ANKFN1: variants seen among roughly 807,000 people sequenced by gnomAD.
ANKFN1 encodes ankyrin repeat and fibronectin type-III domain-containing protein 1.
ANKFN1 carries 74 observed loss-of-function variants against 108.7 expected under a neutral mutation model. The observed-to-expected ratio is 0.68, with a 90% CI of 0.56 to 0.83. The LOEUF (loss-of-function observed/expected upper bound fraction) is 0.83, where lower values mean the gene tolerates loss of function less well. ANKFN1 is among the 40% of genes least tolerant of loss of function. The probability of loss-of-function intolerance (pLI) is 0.00; values close to 1 mark genes in which losing one functional copy is unlikely to be tolerated. For synonymous variants in ANKFN1, 547 were observed against 516.2 expected (o/e 1.06, Z -0.81); for missense variants, 1,505 against 1,382.3 (o/e 1.09, Z -1.41).
chr17:56,447,165 G>A (rs1427295233), intron 10 of ANKFN1, among the ~76,000 whole-genome samples: 1 of 152,222 alleles, frequency 6.6e-6, no homozygotes, highest in African/African-American at 2.4e-5. Flanking sequence ...AAAGGTTGCA[G>A]TGAGCCAAGA....
intron 2 of ANKFN1, among the ~76,000 whole-genome samples, chr17:56,219,734 T>C (rs1915705619): frequency 6.6e-6 from 1 of 152,076 alleles, no homozygotes. Flanking sequence ...GTTTTGGGAG[T>C]CAGTTTTGAA....
chr17:56,150,998 G>A (rs1908569094), upstream of ANKFN1, among the ~76,000 whole-genome samples: 1 of 152,148 alleles, frequency 6.6e-6, no homozygotes, highest in East Asian at 1.9e-4. Flanking sequence ...GCTCACTCTG[G>A]GGACAGAGTG....
At chr17:56,079,534 A>C (rs1260349241) in intron 4 of ANKFN1, among the ~76,000 whole-genome samples, 2 of 152,200 alleles carry the variant, frequency 1.3e-5, no homozygotes, top group Non-Finnish European at 2.9e-5. Context: ...AAAAGAAGAA[A>C]TAGAGTCAGA....
chr17:56,427,734 C>T (rs2048615374), intron 8 of ANKFN1, among the ~76,000 whole-genome samples: 2 of 152,080 alleles, frequency 1.3e-5, no homozygotes, highest in South Asian at 2.1e-4. Context: ...CCAAAGAGAC[C>T]TCAAAATGGC....
At chr17:56,388,093 C>G (rs1442456778) in intron 8 of ANKFN1, among the ~76,000 whole-genome samples, 1 of 151,918 alleles carries the variant, frequency 6.6e-6, no homozygotes, top group Non-Finnish European at 1.5e-5. Context: ...AGTTACCTCT[C>G]TAATTAATAA....
intron 4 of ANKFN1, among the ~76,000 whole-genome samples, chr17:56,111,882 C>T (rs1337601382): frequency 6.6e-6 from 1 of 152,208 alleles, no homozygotes; most frequent in Non-Finnish European, 1.5e-5. Flanking sequence ...AGCAGAATGG[C>T]TGCTGTTCCA....
intron 4 of ANKFN1, among the ~76,000 whole-genome samples, chr17:56,091,777 G>A (rs1049776146): frequency 2.0e-5 from 3 of 151,378 alleles, no homozygotes; most frequent in Non-Finnish European, 4.4e-5. Flanking sequence ...CAAGAAAACC[G>A]CTTTATTTGA....
In ANKFN1 at chr17:56,514,108, CTT is replaced by C. The variant is rs1567722382; in HGVS notation, c.*2845_*2846del. Among the ~76,000 whole-genome samples the C allele has an allele frequency of 6.6e-6, 1 of 152,088 alleles. No individual in the cohort carries two copies. ...ATACAATGGATTTTTGTCTTTCACT[CTT>C]TTTTTAATCCAATATGAGAGCCTCT... On this transcript the variant is annotated 3_prime_UTR_variant, in exon 21 of 21. Transcript: ENST00000682825.
intron 8 of ANKFN1, among the ~76,000 whole-genome samples, chr17:56,386,736 GT>G (rs1240097725): frequency 6.6e-6 from 1 of 151,536 alleles, no homozygotes; most frequent in African/African-American, 2.4e-5. Flanking sequence ...GTTTCTATCT[GT>G]CTCTCTTATC....
At chr17:56,281,871 A>C (rs568555956) in intron 3 of ANKFN1, among the ~76,000 whole-genome samples, 6 of 152,364 alleles carry the variant, frequency 3.9e-5, no homozygotes, top group Admixed American at 2.6e-4. Flanking sequence ...TAGAATTCAC[A>C]TAGATTGTTC....
chr17:56,353,784 A>G, intron 5 of ANKFN1, 52 bp from the exon 6 acceptor site: 2 of 1,550,146 alleles, frequency 1.3e-6, no homozygotes, highest in Non-Finnish European at 1.8e-6. Context: ...GCTAAGCTAC[A>G]AAGACACACT....
chr17:56,267,938 G>A (rs768354746), intron 3 of ANKFN1, among the ~76,000 whole-genome samples: 1 of 151,942 alleles, frequency 6.6e-6, no homozygotes, highest in East Asian at 1.9e-4. Flanking sequence ...AAAAATATTG[G>A]CATTTTGATA....
At chr17:56,502,052 GGTA>G (rs921889177) in intron 20 of ANKFN1, among the ~76,000 whole-genome samples, 20 of 152,144 alleles carry the variant, frequency 1.3e-4, no homozygotes, top group Admixed American at 4.6e-4. Flanking sequence ...AAGGAGGGAA[GGTA>G]GTAGCTAGAG....
chr17:56,138,689 T>C (rs901691100), intron 4 of ANKFN1, among the ~76,000 whole-genome samples: 4 of 151,918 alleles, frequency 2.6e-5, no homozygotes, highest in Non-Finnish European at 5.9e-5. Flanking sequence ...TTTTACATTT[T>C]TGTTAGAGAC....
At position 56,405,674 on chromosome 17, in the gene ANKFN1, A is replaced by G. The variant is rs144437286; in HGVS notation, c.910+30960A>G. Among the ~76,000 whole-genome samples the G allele has an allele frequency of 7.8e-3, 1,182 of 152,342 alleles. 9 individuals carry two copies. Among genetic ancestry groups the G allele is most frequent in the African/African-American group, 0.026 (1,101 of 41,586 alleles). On this transcript the variant is annotated intron_variant, in intron 8 of 20. Coordinates refer to ENST00000682825, the MANE Select transcript of ANKFN1 (RefSeq NM_001370326.1). ...AGTATCTTTCAATTAGGAACTAATT[A>G]AATAAATTATCATACACATACATAT... is the stretch of plus-strand genomic sequence containing the variant.
chr17:56,433,843 AC>A (rs889104993), intron 8 of ANKFN1, among the ~76,000 whole-genome samples: 19 of 151,728 alleles, frequency 1.3e-4, no homozygotes, highest in African/African-American at 4.6e-4. Flanking sequence ...AAAAAAAAAA[AC>A]TGTAACAGTC....
intron 19 of ANKFN1, among the ~76,000 whole-genome samples, chr17:56,494,667 AC>A (rs1234422331): frequency 1.3e-5 from 2 of 152,110 alleles, no homozygotes; most frequent in Non-Finnish European, 2.9e-5. Context: ...ATCTCTGGGG[AC>A]CTCAATTTCC....
At chr17:56,426,267 C>A (rs1598588442) in intron 8 of ANKFN1, among the ~76,000 whole-genome samples, 1 of 152,166 alleles carries the variant, frequency 6.6e-6, no homozygotes, top group African/African-American at 2.4e-5. Flanking sequence ...TTCTTTCAAC[C>A]ACATTCTCCT....
intron 3 of ANKFN1, among the ~76,000 whole-genome samples, chr17:56,319,165 C>G (rs1298777759): frequency 1.3e-5 from 2 of 152,066 alleles, no homozygotes; most frequent in Non-Finnish European, 2.9e-5. Context: ...TCAACGAAAC[C>G]GTTTTGACTT....
Sources: allele counts gnomAD v4.1 joint callset (sites outside exome capture counted in the v4.1 genomes callset), GRCh38; gene constraint gnomAD v4.1.1; transcripts MANE v1.5; gene names NCBI Gene and HGNC (gene_info 2026-07-23, HGNC 2026-07-21).